Variants in GOLGB1 observed in about 807,000 individuals in gnomAD.
GOLGB1 encodes golgin B1, also known as golgin subfamily B member 1.
Under a neutral mutation model 336.9 loss-of-function variants are expected in GOLGB1, and 174 were observed. The observed-to-expected ratio is 0.52, with a 90% CI of 0.46 to 0.59. The LOEUF is 0.59. Among genes scored for constraint, GOLGB1 ranks in the 20% least tolerant of loss-of-function variants. GOLGB1 has a pLI of 0.00. For missense variants in GOLGB1, 3,331 were observed against 3,645.3 expected (o/e 0.91, Z 2.22); for synonymous variants, 1,208 against 1,289.2 (o/e 0.94, Z 1.35).
chr3:121,685,092 G>A (rs912777646), intron 14 of GOLGB1, among the ~76,000 whole-genome samples: 2 of 152,044 alleles, frequency 1.3e-5, no homozygotes, highest in Non-Finnish European at 2.9e-5. Flanking sequence ...TTATTAATCT[G>A]GGAAAAACAG....
At chr3:121,735,698 A>G (rs1419627231) in intron 1 of GOLGB1, among the ~76,000 whole-genome samples, 1 of 152,216 alleles carries the variant, frequency 6.6e-6, no homozygotes, top group Non-Finnish European at 1.5e-5. Context: ...GTTTATTTTA[A>G]TATATATGTA....
At position 121,696,962 on chromosome 3, in the gene GOLGB1, T is replaced by C; in HGVS notation, c.3561A>G (p.Glu1187=). The change falls in exon 13 of 22, where the codon GAA becomes GAG. Residue 1187 remains glutamate, a synonymous_variant. Coordinates refer to ENST00000614479, the MANE Select transcript of GOLGB1 (RefSeq NM_001366282.2). ...EKEQLQKKLQ[E]ALTSRKAILK... ...GAATTGCCTTGCGGGAGGTTAAGGC[T>C]TCCTGTAGCTTCTTTTGAAGTTGCT... The C allele has an allele frequency of 1.2e-6, 2 of 1,614,072 alleles. No homozygotes were observed. The highest frequency in any genetic ancestry group is 2.2e-5 in the East Asian group (1 of 44,888).
At chr3:121,729,577 AT>A (rs925972308) in intron 3 of GOLGB1, among the ~76,000 whole-genome samples, 3 of 151,806 alleles carry the variant, frequency 2.0e-5, no homozygotes, top group Non-Finnish European at 2.9e-5. Context: ...TGCCCAGCTA[AT>A]TTTTTTTAAA....
intron 20 of GOLGB1, among the ~76,000 whole-genome samples, chr3:121,667,138 C>T (rs1184692913): frequency 6.6e-6 from 1 of 152,174 alleles, no homozygotes; most frequent in Non-Finnish European, 1.5e-5. Flanking sequence ...TCCATGGATT[C>T]AGATCTCAGG....
At chr3:121,719,857 C>T (rs1945055536) in intron 6 of GOLGB1, 89 bp from the exon 7 acceptor site, 1 of 1,158,642 alleles carries the variant, frequency 8.6e-7, no homozygotes, top group South Asian at 2.2e-5. Context: ...AAGACAGACA[C>T]TGAGACTTGA....
Position 121,664,543 on chromosome 3 carries a change from T to C in GOLGB1, c.9732A>G (p.Leu3244=), listed in dbSNP as rs960342533. The C allele has an allele frequency of 1.9e-6, 3 of 1,613,382 alleles. No individual in the cohort carries two copies. In the African/African-American group the frequency reaches 4.0e-5, roughly 22 times the overall value. ...LCHSRTRVPL[L]AAIYFLMIHV... ...GAATCATTAGAAAGTAGATGGCTGC[T>C]AGAAGTGGCACTCGGGTCCGTGAAT... The change falls in exon 22 of 22, where the codon CTA becomes CTG. Residue 3244 remains leucine (L), a synonymous_variant. Coordinates refer to ENST00000614479, the MANE Select transcript of GOLGB1 (RefSeq NM_001366282.2).
rs575709334 is a variant in GOLGB1, at chr3:121,746,449, C to T, written c.-3+3183G>A. On this transcript the variant is annotated intron_variant, in intron 1 of 21. Coordinates refer to ENST00000614479, the MANE Select transcript of GOLGB1 (RefSeq NM_001366282.2). ...ACATAACTTACTTTTCGTTATTTAA[C>T]TCACTTTATTTATTTATTTATTTAT... is the stretch of plus-strand genomic sequence containing the variant. Among the ~76,000 whole-genome samples the T allele has an allele frequency of 1.2e-4, 17 of 139,866 alleles. No individual in the cohort carries two copies. In the South Asian group the frequency reaches 3.8e-3, roughly 31 times the overall value. 91.8% of individuals were successfully genotyped at this position (139,866 alleles called of 152,430 possible).
intron 1 of GOLGB1, among the ~76,000 whole-genome samples, chr3:121,732,588 C>A (rs911006558): frequency 6.6e-6 from 1 of 152,092 alleles, no homozygotes; most frequent in Non-Finnish European, 1.5e-5. Flanking sequence ...TGTAATTCAC[C>A]ATATTAACAG....
At chr3:121,716,586 G>A (rs943187761) in intron 9 of GOLGB1, 151 bp downstream of exon 9, 29 of 561,936 alleles carry the variant, frequency 5.2e-5, no homozygotes, top group African/African-American at 5.1e-4. Context: ...CAAGAAAAAT[G>A]CATCAAGAAG....
At chr3:121,746,543 C>T (rs1417743209) in intron 1 of GOLGB1, among the ~76,000 whole-genome samples, 5 of 151,918 alleles carry the variant, frequency 3.3e-5, no homozygotes, top group African/African-American at 1.2e-4. Context: ...AGTGCAGTGG[C>T]GCGATCTCAC....
Position 121,692,204 on chromosome 3 carries a change from T to C in GOLGB1, c.7160A>G (p.Gln2387Arg). The C allele has an allele frequency of 6.3e-7, 1 of 1,599,722 alleles. No homozygotes were observed. The highest frequency in any genetic ancestry group is 2.2e-5 in the East Asian group (1 of 44,838). ...RLHEEINMKE[Q>R]KIISLLSGKE... is the part of the protein sequence containing the mutation. ...GCCAGAAAGCAGGCTTATAATCTTTTGCTCTTTCATATTTATTTCTTCATG... is the reference window on the plus strand; with the variant it reads ...GCCAGAAAGCAGGCTTATAATCTTTCGCTCTTTCATATTTATTTCTTCATG... Residue 2387 changes from glutamine (Q) to arginine (R), a missense_variant, in exon 14 of 22, where the codon CAA becomes CGA. Gln to Arg is a conservative substitution (Grantham distance 43). Transcript: ENST00000614479.
chr3:121,724,382 T>C (rs537481011), intron 5 of GOLGB1, among the ~76,000 whole-genome samples: 1 of 152,244 alleles, frequency 6.6e-6, no homozygotes, highest in Non-Finnish European at 1.5e-5. Context: ...TGCTATAAAT[T>C]AGCAATGAAC....
chr3:121,691,317 C>G lies in GOLGB1; in HGVS notation c.8047G>C (p.Asp2683His), dbSNP rs1180878059. The G allele has an allele frequency of 5.0e-6, 8 of 1,612,318 alleles. No homozygotes were observed. The highest frequency in any genetic ancestry group is 1.3e-5 in the African/African-American group (1 of 74,778). The change falls in exon 14 of 22, where the codon GAT becomes CAT. Residue 2683 changes from aspartate (D) to histidine (H), a missense_variant. Asp to His is a moderately conservative substitution (Grantham distance 81, BLOSUM62 -1). Coordinates refer to ENST00000614479, the MANE Select transcript of GOLGB1 (RefSeq NM_001366282.2). The stretch of plus-strand genomic sequence containing the variant: ...TGCTTTAATTCTTTCTTCAGTTTAT[C>G]TTCAATTTCACCTACCTTCTTGGCA... ...EAAKKVGEIE[D>H]KLKKELKHLH...
At chr3:121,734,982 C>T (rs954844071) in intron 1 of GOLGB1, among the ~76,000 whole-genome samples, 1 of 152,220 alleles carries the variant, frequency 6.6e-6, no homozygotes, top group Admixed American at 6.5e-5. Context: ...AATTGATTCA[C>T]ACAACACAAT....
rs1383542130 is a variant in GOLGB1 at position 121,667,614 on chromosome 3, T to C, written c.9420-4A>G. The C allele has an allele frequency of 1.9e-6, 3 of 1,613,416 alleles. No individual in the cohort carries two copies. Among genetic ancestry groups the C allele is most frequent in the Non-Finnish European group, 1.7e-6 (2 of 1,179,656 alleles). ...CTGCTGCTGAGCTTCAGAAAAGCTT[T>C]AGGATGAGAGGAAAACAAAAAGCAT... On this transcript the variant is annotated splice_region_variant and splice_polypyrimidine_tract_variant and intron_variant, in intron 19 of 21. Transcript: ENST00000614479.
At chr3:121,683,579 C>A (rs1941351538) in intron 14 of GOLGB1, among the ~76,000 whole-genome samples, 1 of 152,066 alleles carries the variant, frequency 6.6e-6, no homozygotes, top group South Asian at 2.1e-4. Flanking sequence ...GGTTTTAGAC[C>A]CTCCCCTTAA....
chr3:121,709,618 G>C (rs965298898), intron 10 of GOLGB1, among the ~76,000 whole-genome samples: 19 of 152,008 alleles, frequency 1.2e-4, no homozygotes, highest in Non-Finnish European at 1.0e-4. Context: ...GAGAAACTTA[G>C]AAAAATGTTC....
intron 15 of GOLGB1, among the ~76,000 whole-genome samples, chr3:121,679,650 G>C (rs1301917052): frequency 6.6e-6 from 1 of 152,150 alleles, no homozygotes; most frequent in African/African-American, 2.4e-5. Flanking sequence ...CAAAGACCTG[G>C]TAGATAAGCT....
At chr3:121,724,469 T>C (rs1408080851) in intron 5 of GOLGB1, among the ~76,000 whole-genome samples, 2 of 151,952 alleles carry the variant, frequency 1.3e-5, no homozygotes, top group Non-Finnish European at 2.9e-5. Flanking sequence ...AACTAGGGTA[T>C]ATGGCAGGAG....
Sources: gnomAD v4.1 joint callset for allele counts (sites outside exome capture counted in the v4.1 genomes callset) on GRCh38, gnomAD v4.1.1 for gene constraint, MANE v1.5 for transcripts, NCBI Gene and HGNC (gene_info 2026-07-23, HGNC 2026-07-21) for gene names.